Variants in ATF6 observed in about 807,000 individuals in gnomAD.
The protein encoded by ATF6 is cyclic AMP-dependent transcription factor ATF-6 alpha.
In ATF6, 53 loss-of-function variants were observed where a neutral mutation model predicts 83.6. The ratio of observed to expected loss-of-function variants is 0.63; its 90% CI spans 0.51 to 0.80. The LOEUF (loss-of-function observed/expected upper bound fraction) is 0.80, where lower values mean the gene tolerates loss of function less well. Among genes scored for constraint, ATF6 ranks in the 30% least tolerant of loss-of-function variants. The probability of loss-of-function intolerance (pLI) is 0.00; values close to 1 mark genes in which losing one functional copy is unlikely to be tolerated. For missense variants in ATF6, 744 were observed against 797.9 expected, an observed-to-expected ratio of 0.93 and a Z score of 0.81; for synonymous variants, 288 against 285.8, an observed-to-expected ratio of 1.01 and a Z score of -0.08.
chr1:161,863,148 A>G lies in ATF6; in HGVS notation c.1605-50A>G, dbSNP rs1686919806. 3.5e-6 allele frequency: 4 copies of G among 1,158,910 alleles called. No individual in the cohort carries two copies. The East Asian group carries it at 9.7e-5, about 28-fold the overall frequency. The allele number at this position is 1,158,910 out of a possible 1,614,324, so 71.8% of individuals were successfully genotyped here. A position where few individuals can be genotyped will look rare whatever the true frequency, so the allele number is the denominator to read the frequency against. On this transcript the variant is annotated intron_variant, in intron 13 of 15. Coordinates refer to ENST00000367942, the MANE Select transcript of ATF6 (RefSeq NM_007348.4). The stretch of plus-strand genomic sequence containing the variant: ...CCTTAGAATGGGAAGTATTTTGGGA[A>G]AACAGGAAACTTTTTATTTTAGTAA...
Position 161,766,368 on chromosome 1 carries a change from A to G in ATF6, c.8A>G (p.Glu3Gly). 1.2e-6 allele frequency: 2 copies of G among 1,612,662 alleles called. No individual in the cohort carries two copies. Among genetic ancestry groups the G allele is most frequent in the South Asian group, 2.2e-5 (2 of 90,730 alleles). MG[E>G]PAGVAGTMES... Reference sequence around the variant, plus strand: ...GGAGAAGGAACTTGTGAAATGGGGGAGCCGGCTGGGGTTGCCGGCACCATG... The same window carrying G: ...GGAGAAGGAACTTGTGAAATGGGGGGGCCGGCTGGGGTTGCCGGCACCATG... Residue 3 changes from glutamate (E) to glycine (G), a missense_variant, in exon 1 of 16, where the codon GAG becomes GGG. By Grantham distance (98) the Glu-to-Gly change is moderately conservative (BLOSUM62 -2). Coordinates refer to ENST00000367942, the MANE Select transcript of ATF6 (RefSeq NM_007348.4).
intron 15 of ATF6, among the ~76,000 whole-genome samples, chr1:161,931,613 A>G (rs1250016234): frequency 1.3e-5 from 2 of 151,900 alleles, no homozygotes; most frequent in Non-Finnish European, 2.9e-5. Flanking sequence ...CTCCTCATTC[A>G]CCCCTTTCCC....
intron 15 of ATF6, among the ~76,000 whole-genome samples, chr1:161,941,170 A>G (rs751381586): frequency 2.0e-5 from 3 of 152,162 alleles, no homozygotes; most frequent in Non-Finnish European, 4.4e-5. Context: ...TGTTTATTGT[A>G]CCCTATCAAC....
chr1:161,799,805 A>C (rs188179820), intron 6 of ATF6, among the ~76,000 whole-genome samples: 34 of 152,270 alleles, frequency 2.2e-4, no homozygotes, highest in Admixed American at 1.9e-3. Context: ...TTTATAAGTT[A>C]TCTTTTTTAG....
At chr1:161,892,917 C>G (rs560504530) in intron 14 of ATF6, among the ~76,000 whole-genome samples, 1 of 152,076 alleles carries the variant, frequency 6.6e-6, no homozygotes, top group East Asian at 1.9e-4. Context: ...GGATTACAGG[C>G]GTGAGCCACC....
At chr1:161,877,784 G>A (rs560774511) in intron 14 of ATF6, among the ~76,000 whole-genome samples, 39 of 152,164 alleles carry the variant, frequency 2.6e-4, no homozygotes, top group East Asian at 1.2e-3. Flanking sequence ...CAGTAGCTCC[G>A]GCAAAATGAT....
chr1:161,788,030 T>TA (rs1557960195), intron 4 of ATF6, among the ~76,000 whole-genome samples: 1 of 152,232 alleles, frequency 6.6e-6, no homozygotes, highest in East Asian at 1.9e-4. Context: ...ATGAATATTT[T>TA]AAAAAATGTT....
Position 161,853,213 on chromosome 1 carries a change from A to G in ATF6, c.1434-11A>G, listed in dbSNP as rs1045917157. On this transcript the variant is annotated splice_polypyrimidine_tract_variant and intron_variant, in intron 11 of 15. Coordinates refer to ENST00000367942, the MANE Select transcript of ATF6 (RefSeq NM_007348.4). ...ATTTCTATGTTTAATTAATTAAACT[A>G]TATTTTATAGGTTAAATCATGAACT... 46 of 1,524,238 alleles carry G rather than the reference A, an allele frequency of 3.0e-5. No individual in the cohort carries two copies. Among genetic ancestry groups the G allele is most frequent in the Non-Finnish European group, 4.1e-5 (45 of 1,109,616 alleles). 94.4% of individuals were successfully genotyped at this position (1,524,238 alleles called of 1,614,324 possible). A position where few individuals can be genotyped will look rare whatever the true frequency, so the allele number is the denominator to read the frequency against.
At chr1:161,958,323 C>G in intron 15 of ATF6, 123 bp from the exon 16 acceptor site, 1 of 915,320 alleles carries the variant, frequency 1.1e-6, no homozygotes. Context: ...CCTCTGCACC[C>G]CTTGAAAGTT....
intron 15 of ATF6, among the ~76,000 whole-genome samples, chr1:161,927,367 C>T (rs1479686579): frequency 3.3e-5 from 5 of 152,120 alleles, no homozygotes; most frequent in Non-Finnish European, 5.9e-5. Flanking sequence ...CAGGGTCTCA[C>T]GGTGTTGCCC....
intron 9 of ATF6, among the ~76,000 whole-genome samples, chr1:161,826,916 T>G (rs1260861283): frequency 2.1e-5 from 3 of 146,226 alleles, no homozygotes; most frequent in African/African-American, 5.1e-5. Context: ...TCAAAAGAAT[T>G]TTTTGATTGG....
intron 7 of ATF6, among the ~76,000 whole-genome samples, chr1:161,803,595 G>C (rs1685209171): frequency 6.6e-6 from 1 of 152,110 alleles, no homozygotes; most frequent in African/African-American, 2.4e-5. Flanking sequence ...ACAGGATAGA[G>C]GCAACTGGAT....
chr1:161,829,922 C>T (rs570092777), intron 9 of ATF6, among the ~76,000 whole-genome samples: 2,303 of 151,972 alleles, frequency 0.015, 172 homozygotes, highest in Admixed American at 0.12. Context: ...CTCACCACTC[C>T]TATTCAACAT....
chr1:161,812,581 C>T (rs1192427605), intron 7 of ATF6, among the ~76,000 whole-genome samples: 1 of 151,272 alleles, frequency 6.6e-6, no homozygotes, highest in Non-Finnish European at 1.5e-5. Context: ...TTAGTAGAGA[C>T]GGGGTTTCAC....
chr1:161,858,273 A>C (rs567821778), intron 12 of ATF6, among the ~76,000 whole-genome samples: 2 of 152,330 alleles, frequency 1.3e-5, no homozygotes, highest in African/African-American at 4.8e-5. Flanking sequence ...AAATCCAACC[A>C]TATTAGTAGT....
chr1:161,773,746 G>A (rs1418590549), intron 1 of ATF6, among the ~76,000 whole-genome samples: 1 of 152,146 alleles, frequency 6.6e-6, no homozygotes, highest in East Asian at 1.9e-4. Flanking sequence ...ACTGTTGAGG[G>A]AAATCTAATA....
intron 14 of ATF6, among the ~76,000 whole-genome samples, chr1:161,912,061 A>G (rs1243919445): frequency 6.6e-6 from 1 of 152,200 alleles, no homozygotes; most frequent in Admixed American, 6.5e-5. Flanking sequence ...AAAACCTAGG[A>G]GTTTTCCAAG....
At chr1:161,912,121 C>T (rs550394443) in intron 14 of ATF6, among the ~76,000 whole-genome samples, 175 bp from the exon 15 acceptor site, 1 of 152,260 alleles carries the variant, frequency 6.6e-6, no homozygotes, top group African/African-American at 2.4e-5. Flanking sequence ...ATGTGTATTA[C>T]ATTAATGAAT....
At chr1:161,918,021 C>T (rs927225893) in intron 15 of ATF6, among the ~76,000 whole-genome samples, 1 of 151,932 alleles carries the variant, frequency 6.6e-6, no homozygotes, top group Admixed American at 6.6e-5. Context: ...ATTGTTAATT[C>T]AATATTAAAG....
Sources: allele counts gnomAD v4.1 joint callset (sites outside exome capture counted in the v4.1 genomes callset), GRCh38; gene constraint gnomAD v4.1.1; transcripts MANE v1.5; gene names NCBI Gene and HGNC (gene_info 2026-07-23, HGNC 2026-07-21).